GPHN: variants seen among roughly 807,000 people sequenced by gnomAD.
The protein encoded by GPHN is gephyrin.
A neutral mutation model predicts 95.5 loss-of-function variants in GPHN; 17 were observed. That is an observed-to-expected ratio of 0.18 (90% CI 0.12 to 0.27). The LOEUF is 0.27. Ranked by LOEUF, GPHN falls within the 10% of genes least tolerant of loss-of-function variation. The pLI, the probability that GPHN is intolerant of heterozygous loss-of-function variation, is 1.00. For missense variants in GPHN, 660 were observed against 978.1 expected, an observed-to-expected ratio of 0.67 and a Z score of 4.34; for synonymous variants, 320 against 322.5, an observed-to-expected ratio of 0.99 and a Z score of 0.08.
Position 67,052,218 on chromosome 14 carries a change from C to G in GPHN, c.1007-6431C>G, listed in dbSNP as rs150800537. ...TGTGCTGTATTAAAGAGACCCATCT[C>G]ATGTGCAAAGACACACATAGGCTCA... On this transcript the variant is annotated intron_variant, in intron 10 of 22. Coordinates refer to ENST00000478722, the MANE Select transcript of GPHN (RefSeq NM_020806.5). Among the ~76,000 whole-genome samples the G allele has an allele frequency of 3.0e-4, 45 of 152,044 alleles. No individual in the cohort carries two copies. The East Asian group carries it at 4.3e-3, about 14-fold the overall frequency.
At chr14:67,079,836 C>T (rs2076622039) in intron 11 of GPHN, among the ~76,000 whole-genome samples, 1 of 151,994 alleles carries the variant, frequency 6.6e-6, no homozygotes, top group African/African-American at 2.4e-5. Flanking sequence ...TATTCATTCA[C>T]CTATTAATGA....
chr14:66,922,204 A>G (rs550022565), intron 6 of GPHN, among the ~76,000 whole-genome samples: 2 of 152,104 alleles, frequency 1.3e-5, no homozygotes, highest in South Asian at 4.1e-4. Flanking sequence ...AACAAAGATA[A>G]ATAGCTGGGA....
At chr14:67,387,259 C>T in the GPHN span, 2 of 1,478,810 alleles carry the variant, frequency 1.4e-6, no homozygotes, top group Non-Finnish European at 9.2e-7. Flanking sequence ...TCTTAACACT[C>T]CCATTCTCCA....
the GPHN span, among the ~76,000 whole-genome samples, chr14:67,485,675 C>A: frequency 6.6e-6 from 1 of 152,224 alleles, no homozygotes; most frequent in Non-Finnish European, 1.5e-5. Flanking sequence ...TCAGGCCAGA[C>A]AGGCCTCTGG....
the GPHN span, among the ~76,000 whole-genome samples, chr14:67,520,544 C>G: frequency 6.6e-6 from 1 of 152,304 alleles, no homozygotes. Context: ...GAATAATATT[C>G]CATTGTCTGG....
the GPHN span, among the ~76,000 whole-genome samples, chr14:67,393,398 A>G: frequency 6.6e-6 from 1 of 152,148 alleles, no homozygotes; most frequent in Non-Finnish European, 1.5e-5. Flanking sequence ...TTTGAATGGC[A>G]AGAGTGATGC....
intron 1 of GPHN, among the ~76,000 whole-genome samples, chr14:66,633,950 GTT>G (rs372091014): frequency 1.5e-5 from 2 of 129,568 alleles, no homozygotes. Flanking sequence ...TTTTCTTTCT[GTT>G]TTTTTTTTTT....
chr14:67,733,724 A>G, the GPHN span: 1 of 1,520,108 alleles, frequency 6.6e-7, no homozygotes, highest in Non-Finnish European at 9.1e-7. Context: ...CCTGGAATTT[A>G]CTGTCTTTCT....
chr14:66,530,953 A>AT (rs569763873), intron 1 of GPHN, among the ~76,000 whole-genome samples: 1,661 of 121,136 alleles, frequency 0.014, 41 homozygotes, highest in Non-Finnish European at 0.018. Context: ...TGTTTGTTAG[A>AT]TTTTTTTTTT....
chr14:67,649,950 T>A, the GPHN span: 1 of 152,380 alleles, frequency 6.6e-6, no homozygotes, highest in African/African-American at 2.4e-5. Flanking sequence ...CTGGATAGGT[T>A]CTTCTGGTTT....
At chr14:67,585,448 T>G in the GPHN span, 1 of 674,204 alleles carries the variant, frequency 1.5e-6, no homozygotes, top group South Asian at 1.8e-5. Flanking sequence ...TTTTCCAAGA[T>G]GAGGTGGCTG....
chr14:67,729,206 C>T, the GPHN span: 1 of 1,612,768 alleles, frequency 6.2e-7, no homozygotes, highest in Non-Finnish European at 8.5e-7. Flanking sequence ...GGGGTCACCA[C>T]CTACGCAGTG....
chr14:67,517,109 G>A, the GPHN span, among the ~76,000 whole-genome samples: 1 of 152,216 alleles, frequency 6.6e-6, no homozygotes, highest in Non-Finnish European at 1.5e-5. Context: ...GGCTGTCCTA[G>A]TACACTGTCA....
the GPHN span, chr14:67,562,235 C>T: frequency 6.2e-7 from 1 of 1,612,566 alleles, no homozygotes. Flanking sequence ...GCCTATGGGC[C>T]AGGACAGTGG....
At chr14:67,615,805 G>A in the GPHN span, 9 of 563,414 alleles carry the variant, frequency 1.6e-5, no homozygotes, top group Admixed American at 4.8e-5. Flanking sequence ...TCTGTTCTGC[G>A]TGTGGCCCAA....
At chr14:67,562,158 G>T in the GPHN span, 6 of 1,611,078 alleles carry the variant, frequency 3.7e-6, no homozygotes, top group Non-Finnish European at 4.2e-6. Flanking sequence ...GCTCCTTCAC[G>T]GAAGCTGCTG....
intron 1 of GPHN, among the ~76,000 whole-genome samples, chr14:66,540,021 T>C (rs933980395): frequency 2.0e-4 from 31 of 152,238 alleles, no homozygotes; most frequent in Non-Finnish European, 1.6e-4. Context: ...ATAAAAGTAA[T>C]ACACAATGTA....
chr14:67,374,164 A>G, the GPHN span, among the ~76,000 whole-genome samples: 3 of 152,168 alleles, frequency 2.0e-5, no homozygotes, highest in Admixed American at 6.5e-5. Flanking sequence ...GAGCACCAAC[A>G]TGACACTCAA....
At chr14:66,732,666 A>T (rs2071884326) in intron 2 of GPHN, among the ~76,000 whole-genome samples, 1 of 148,742 alleles carries the variant, frequency 6.7e-6, no homozygotes, top group Non-Finnish European at 1.5e-5. Context: ...ACAGGCACGC[A>T]CTACCACACC....
Sources: gnomAD v4.1 joint callset for allele counts (sites outside exome capture counted in the v4.1 genomes callset) on GRCh38, gnomAD v4.1.1 for gene constraint, MANE v1.5 for transcripts, NCBI Gene and HGNC (gene_info 2026-07-23, HGNC 2026-07-21) for gene names.